The following UBE2H variants were observed in gnomAD, a reference collection of about 807,000 sequenced individuals.
The protein encoded by UBE2H is ubiquitin conjugating enzyme E2 H.
UBE2H carries 3 observed loss-of-function variants against 29.0 expected under a neutral mutation model. The observed-to-expected ratio is 0.10, with a 90% CI of 0.05 to 0.27. The LOEUF is 0.27. Among genes scored for constraint, UBE2H ranks in the 10% least tolerant of loss-of-function variants. The probability of loss-of-function intolerance (pLI) is 1.00; values close to 1 mark genes in which losing one functional copy is unlikely to be tolerated. For missense variants in UBE2H, 68 were observed against 228.2 expected, an observed-to-expected ratio of 0.30 and a Z score of 4.52; for synonymous variants, 69 against 82.9, an observed-to-expected ratio of 0.83 and a Z score of 0.91.
At chr7:129,930,679 C>T (rs574185446) in intron 1 of UBE2H, among the ~76,000 whole-genome samples, 9 of 151,338 alleles carry the variant, frequency 5.9e-5, no homozygotes, top group East Asian at 5.9e-4. Context: ...GAGGCCGAGG[C>T]GGGTGGATCA....
At chr7:129,944,269 T>C (rs563555827) in intron 1 of UBE2H, among the ~76,000 whole-genome samples, 8 of 152,138 alleles carry the variant, frequency 5.3e-5, no homozygotes, top group African/African-American at 9.6e-5. Context: ...GGCAGGAGAA[T>C]GGCGTGAACC....
At chr7:129,841,282 T>C (rs1166407278) in intron 5 of UBE2H, among the ~76,000 whole-genome samples, 1 of 152,092 alleles carries the variant, frequency 6.6e-6, no homozygotes, top group East Asian at 1.9e-4. Context: ...AAACTACATA[T>C]ACAAAAACAA....
In UBE2H at chr7:129,858,908, T is replaced by C; in HGVS notation, c.239A>G (p.Asp80Gly). Residue 80 changes from aspartate to glycine, a missense_variant, in exon 4 of 7, where the codon GAT becomes GGT. Around this residue, in one of 3 missense-constraint regions of UBE2H, gnomAD observed 40 missense variants for 174.1 expected, o/e 0.23. Coordinates refer to ENST00000355621, the MANE Select transcript of UBE2H (RefSeq NM_003344.4). ...TTTTAAAATAGTTACTTACGCTTCA[T>C]CAATGTTGGGATGGAAAATTTTATT... Reference protein sequence around the residue: ...FMNKIFHPNIDEASGTVCLDV... With the variant: ...FMNKIFHPNIGEASGTVCLDV... 1 of 1,610,784 alleles carries C rather than the reference T, an allele frequency of 6.2e-7. No homozygotes were observed. Among genetic ancestry groups the C allele is most frequent in the South Asian group, 1.1e-5 (1 of 90,800 alleles).
chr7:129,900,467 A>C (rs1344929155), intron 1 of UBE2H, among the ~76,000 whole-genome samples: 1 of 152,162 alleles, frequency 6.6e-6, no homozygotes, highest in African/African-American at 2.4e-5. Context: ...ATACTATTTG[A>C]TTTTATAGTT....
At chr7:129,937,578 T>C (rs1807557489) in intron 1 of UBE2H, among the ~76,000 whole-genome samples, 1 of 152,158 alleles carries the variant, frequency 6.6e-6, no homozygotes, top group Non-Finnish European at 1.5e-5. Flanking sequence ...CAAGTGAGTA[T>C]TCACAACAGC....
At chr7:129,901,723 T>C (rs1584775561) in intron 1 of UBE2H, among the ~76,000 whole-genome samples, 1 of 152,234 alleles carries the variant, frequency 6.6e-6, no homozygotes, top group South Asian at 2.1e-4. Context: ...GCCTCCTGAA[T>C]AGCTGGGATT....
intron 1 of UBE2H, among the ~76,000 whole-genome samples, chr7:129,952,026 C>A (rs1352981711): frequency 6.6e-6 from 1 of 152,146 alleles, no homozygotes; most frequent in East Asian, 1.9e-4. Context: ...AAAGAGGTCG[C>A]TTGAGTGACC....
At chr7:129,847,617 A>G (rs1347523213) in intron 5 of UBE2H, among the ~76,000 whole-genome samples, 1 of 152,222 alleles carries the variant, frequency 6.6e-6, no homozygotes, top group Non-Finnish European at 1.5e-5. Flanking sequence ...CTGGGATTAC[A>G]GGCGTGAGCT....
At position 129,868,185 on chromosome 7, in the gene UBE2H, C is replaced by T. The variant is rs1486830; in HGVS notation, c.206-9244G>A. Among the ~76,000 whole-genome samples the T allele has an allele frequency of 7.7e-3, 1,179 of 152,208 alleles. 9 individuals are homozygous for T. The highest frequency in any genetic ancestry group is 0.017 in the Middle Eastern group (5 of 294). On this transcript the variant is annotated intron_variant, in intron 3 of 6. Transcript: ENST00000355621. The stretch of plus-strand genomic sequence containing the variant: ...TAACCAGCTCAAAAGCTAGAGGTCA[C>T]CCAATACAGAGTAGGAACTAACCTA...
chr7:129,854,214 AT>A (rs1453202144), intron 5 of UBE2H, among the ~76,000 whole-genome samples: 2 of 152,138 alleles, frequency 1.3e-5, no homozygotes, highest in African/African-American at 4.8e-5. Context: ...ACAGTTTCTA[AT>A]AAAAATTCAG....
chr7:129,841,805 G>C (rs1805434200), intron 5 of UBE2H, among the ~76,000 whole-genome samples: 1 of 152,124 alleles, frequency 6.6e-6, no homozygotes, highest in Non-Finnish European at 1.5e-5. Flanking sequence ...TACCACGAAA[G>C]AAATCCTGAC....
Position 129,879,617 on chromosome 7 carries a change from T to C in UBE2H, c.156A>G (p.Lys52=). 1 of 1,613,242 alleles carries C rather than the reference T, an allele frequency of 6.2e-7. No homozygotes were observed. Among genetic ancestry groups the C allele is most frequent in the Non-Finnish European group, 8.5e-7 (1 of 1,179,688 alleles). The part of the protein sequence containing the change: ...QGTPYEGGVW[K]VRVDLPDKYP... Reference sequence around the variant, plus strand: ...ATTTATCAGGTAGGTCCACTCTAACTTTCCATACTCCGCCTTCATATGGTG... The same window carrying C: ...ATTTATCAGGTAGGTCCACTCTAACCTTCCATACTCCGCCTTCATATGGTG... The change falls in exon 3 of 7, where the codon AAA becomes AAG. Residue 52 remains lysine, a synonymous_variant. Transcript: ENST00000355621.
chr7:129,840,187 A>T (rs1429672116), intron 5 of UBE2H, among the ~76,000 whole-genome samples: 1 of 152,078 alleles, frequency 6.6e-6, no homozygotes, highest in Non-Finnish European at 1.5e-5. Context: ...TTATTTATTT[A>T]AAAAAGTTTT....
At chr7:129,917,991 G>A (rs76304337) in intron 1 of UBE2H, among the ~76,000 whole-genome samples, 9,390 of 152,088 alleles carry the variant, frequency 0.062, 363 homozygotes, top group Non-Finnish European at 0.091. Context: ...CCATGCTATG[G>A]TTCACATCTA....
At chr7:129,922,214 C>T (rs1199832361) in intron 1 of UBE2H, among the ~76,000 whole-genome samples, 1 of 151,990 alleles carries the variant, frequency 6.6e-6, no homozygotes, top group Non-Finnish European at 1.5e-5. Flanking sequence ...TCTTGAACTC[C>T]TGACCTCAGG....
At chr7:129,947,714 A>G (rs1405686678) in intron 1 of UBE2H, among the ~76,000 whole-genome samples, 1 of 150,086 alleles carries the variant, frequency 6.7e-6, no homozygotes, top group East Asian at 2.0e-4. Context: ...CACTACACAC[A>G]GCAATGACCT....
At chr7:129,943,503 A>T (rs1807689074) in intron 1 of UBE2H, among the ~76,000 whole-genome samples, 1 of 151,900 alleles carries the variant, frequency 6.6e-6, no homozygotes, top group African/African-American at 2.4e-5. Context: ...CTTTAGGCCA[A>T]GCGCCGGGAG....
chr7:129,880,701 C>A (rs1354721270), intron 2 of UBE2H, among the ~76,000 whole-genome samples, 194 bp downstream of exon 2: 5 of 152,110 alleles, frequency 3.3e-5, no homozygotes, highest in Non-Finnish European at 5.9e-5. Context: ...GTCCTGGAAC[C>A]AATCCCCTAC....
intron 1 of UBE2H, among the ~76,000 whole-genome samples, chr7:129,885,923 C>T (rs1239215716): frequency 6.6e-6 from 1 of 151,944 alleles, no homozygotes; most frequent in African/African-American, 2.4e-5. Context: ...TGGGAGAGAC[C>T]ACGAGTTTCT....
Sources: gnomAD v4.1 joint callset for allele counts (sites outside exome capture counted in the v4.1 genomes callset) on GRCh38, gnomAD v4.1.1 for gene constraint, gnomAD v4.1.1 regional missense constraint, MANE v1.5 for transcripts, NCBI Gene and HGNC (gene_info 2026-07-23, HGNC 2026-07-21) for gene names.